The following EDEM3 variants were observed in gnomAD, a reference collection of about 807,000 sequenced individuals.
The protein encoded by EDEM3 is ER degradation enhancing alpha-mannosidase like protein 3, also known as ER degradation-enhancing alpha-mannosidase-like protein 3.
Under a neutral mutation model 110.2 loss-of-function variants are expected in EDEM3, and 60 were observed. The observed-to-expected ratio is 0.54, with a 90% CI of 0.44 to 0.67. The LOEUF (loss-of-function observed/expected upper bound fraction) is 0.67, where lower values mean the gene tolerates loss of function less well. Among genes scored for constraint, EDEM3 ranks in the 30% least tolerant of loss-of-function variants. The pLI is 0.00. For missense variants in EDEM3, 996 were observed against 1,121.0 expected, an observed-to-expected ratio of 0.89 and a Z score of 1.59; for synonymous variants, 352 against 382.9, an observed-to-expected ratio of 0.92 and a Z score of 0.94.
intron 2 of EDEM3, among the ~76,000 whole-genome samples, chr1:184,738,345 A>C (rs1000304035): frequency 6.6e-6 from 1 of 152,214 alleles, no homozygotes. Flanking sequence ...CACATCTAGT[A>C]AATGATCCAG....
chr1:184,740,668 C>A (rs958159405), intron 2 of EDEM3, among the ~76,000 whole-genome samples: 1 of 152,124 alleles, frequency 6.6e-6, no homozygotes, highest in Non-Finnish European at 1.5e-5. Context: ...ACATGAGAGT[C>A]TGGCAAAGAA....
chr1:184,711,262 C>A (rs1408388883), intron 15 of EDEM3, among the ~76,000 whole-genome samples: 1 of 152,024 alleles, frequency 6.6e-6, no homozygotes, highest in African/African-American at 2.4e-5. Context: ...CCATGCCTGG[C>A]TAATTTTTTG....
chr1:184,719,437 T>G lies in EDEM3; in HGVS notation c.1077+6A>C, dbSNP rs757074977. 1.2e-6 allele frequency: 2 copies of G among 1,609,040 alleles called. No homozygotes were observed. Among genetic ancestry groups the G allele is most frequent in the Non-Finnish European group, 1.7e-6 (2 of 1,178,604 alleles). ...ATTCATATTAAGAAGACAGAATTCT[T>G]TATACCTGCAAGCCTGGGAAGAAGG... is the stretch of plus-strand genomic sequence containing the variant. On this transcript the variant is annotated splice_donor_region_variant and intron_variant, in intron 10 of 19. Transcript: ENST00000318130.
rs958690854 is a variant in EDEM3, at chr1:184,711,777, C to T, written c.1637G>A (p.Arg546His). The T allele has an allele frequency of 1.1e-5, 18 of 1,613,184 alleles. No homozygotes were observed. Among genetic ancestry groups the T allele is most frequent in the East Asian group, 2.2e-5 (1 of 44,822 alleles). Residue 546 changes from arginine to histidine, a missense_variant, in exon 15 of 20, where the codon CGT (arginine) becomes CAT (histidine). Around this residue, in one of 5 missense-constraint regions of EDEM3, gnomAD observed 138 missense variants for 124.3 expected, o/e 1.11. Transcript: ENST00000318130. Reference protein sequence around the residue: ...PNDPLYAQSIREPLKNVVDKS... With the variant: ...PNDPLYAQSIHEPLKNVVDKS... ...ATCCACCACATTTTTCAAGGGCTCACGAATACTTTGAGCATACAATGGGTC... is the reference window on the plus strand; with the variant it reads ...ATCCACCACATTTTTCAAGGGCTCATGAATACTTTGAGCATACAATGGGTC...
chr1:184,736,109 T>A (rs1392791511), intron 4 of EDEM3, among the ~76,000 whole-genome samples: 1 of 152,156 alleles, frequency 6.6e-6, no homozygotes, highest in East Asian at 1.9e-4. Context: ...AACCATAACA[T>A]CTTTTTGAAC....
At chr1:184,722,695 AAT>A (rs1421249050) in intron 8 of EDEM3, among the ~76,000 whole-genome samples, 1 of 151,872 alleles carries the variant, frequency 6.6e-6, no homozygotes, top group East Asian at 1.9e-4. Context: ...TAATAATTTT[AAT>A]ATGTTTGAAT....
intron 18 of EDEM3, among the ~76,000 whole-genome samples, chr1:184,703,555 C>G (rs919892386): frequency 6.6e-6 from 1 of 152,226 alleles, no homozygotes; most frequent in African/African-American, 2.4e-5. Context: ...CTAAACTAAA[C>G]AGTATTGCTA....
intron 19 of EDEM3, among the ~76,000 whole-genome samples, chr1:184,695,674 C>T (rs578076729): frequency 6.6e-6 from 1 of 151,932 alleles, no homozygotes; most frequent in South Asian, 2.1e-4. Flanking sequence ...TGGTTGAATC[C>T]ATGGGTGCAG....
At position 184,694,143 on chromosome 1, in the gene EDEM3, C is replaced by A; in HGVS notation, c.2719G>T (p.Val907Phe). ...GCTAATATGGAGTCTATAGGCTGGACCTTTTTACCCCAGCTAACATTAGGA... is the reference window on the plus strand; with the variant it reads ...GCTAATATGGAGTCTATAGGCTGGAACTTTTTACCCCAGCTAACATTAGGA... ...SNPNVSWGKK[V>F]QPIDSILADW... Residue 907 changes from valine (V) to phenylalanine (F), a missense_variant, in exon 20 of 20, where the codon GTC becomes TTC. This residue lies in a region of EDEM3 where 345 missense variants were observed against 402.0 expected (regional missense o/e 0.86). Coordinates refer to ENST00000318130, the MANE Select transcript of EDEM3 (RefSeq NM_025191.4). The A allele has an allele frequency of 1.2e-6, 2 of 1,613,344 alleles. No individual in the cohort carries two copies. Among genetic ancestry groups the A allele is most frequent in the Non-Finnish European group, 1.7e-6 (2 of 1,179,588 alleles).
Position 184,693,932 on chromosome 1 carries a change from G to T in EDEM3, c.*131C>A. The stretch of plus-strand genomic sequence containing the variant: ...CCAGATTCCTACGATAACTACGCCA[G>T]TCAGAACGTGGTTGTTCATCACCAT... On this transcript the variant is annotated 3_prime_UTR_variant, in exon 20 of 20. Transcript: ENST00000318130. 1 of 898,766 alleles carries T rather than the reference G, an allele frequency of 1.1e-6. No individual in the cohort carries two copies. Among genetic ancestry groups the T allele is most frequent in the Non-Finnish European group, 1.7e-6 (1 of 600,348 alleles). The allele number at this position is 898,766 out of a possible 1,614,324, so 55.7% of individuals were successfully genotyped here.
chr1:184,707,595 T>C (rs1006273475), intron 17 of EDEM3, among the ~76,000 whole-genome samples: 6 of 152,364 alleles, frequency 3.9e-5, no homozygotes, highest in African/African-American at 9.6e-5. Context: ...GTCACGATAC[T>C]TGGGCTCTGG....
At chr1:184,702,670 T>C in intron 19 of EDEM3, 141 bp downstream of exon 19, 1 of 546,342 alleles carries the variant, frequency 1.8e-6, no homozygotes, top group Non-Finnish European at 2.9e-6. Context: ...AAGAAAAATA[T>C]ATTTTGAAAT....
intron 17 of EDEM3, 152 bp from the exon 18 acceptor site, chr1:184,706,960 T>TA (rs1182004035): frequency 4.7e-6 from 4 of 850,772 alleles, no homozygotes. Context: ...AATATTGTTT[T>TA]AAACATTTTG....
At position 184,706,773 on chromosome 1, in the gene EDEM3, A is replaced by G; in HGVS notation, c.2073T>C (p.Asn691=). Residue 691 remains asparagine, a synonymous_variant, in exon 18 of 20, where the codon AAT becomes AAC. Transcript: ENST00000318130. ...CTGGGTTAGTAAGCTCTGAACAACC[A>G]TTGGATGGTTTACTGCTTGCAACAA... ...RGFVASSKPS[N]GCSELTNPEA... 6.2e-7 allele frequency: 1 copy of G among 1,613,902 alleles called. No individual in the cohort carries two copies. The highest frequency in any genetic ancestry group is 8.5e-7 in the Non-Finnish European group (1 of 1,179,850).
intron 11 of EDEM3, 36 bp downstream of exon 11, chr1:184,719,122 TTGTG>T (rs1390967200): frequency 2.8e-5 from 32 of 1,145,828 alleles, no homozygotes; most frequent in East Asian, 1.2e-4. Context: ...GTGTGTGTGT[TTGTG>T]TGTGTGTAAG....
rs546448083 is a variant in EDEM3, at chr1:184,713,941, A to G, written c.1371-1343T>C. ...CAGCTATCATTTTTCCTACATACAC[A>G]TGATTTTTTATTTTGGAACAAAAAC... is the stretch of plus-strand genomic sequence containing the variant. On this transcript the variant is annotated intron_variant, in intron 13 of 19. Transcript: ENST00000318130. Among the ~76,000 whole-genome samples, 315 of 152,364 alleles carry G rather than the reference A, an allele frequency of 2.1e-3. 1 individual carries two copies. The highest frequency in any genetic ancestry group is 7.1e-3 in the African/African-American group (297 of 41,586).
intron 1 of EDEM3, among the ~76,000 whole-genome samples, 169 bp downstream of exon 1, chr1:184,754,320 G>C (rs1652963578): frequency 6.6e-6 from 1 of 152,188 alleles, no homozygotes; most frequent in African/African-American, 2.4e-5. Context: ...GGTCGCGGGC[G>C]GCGGTTCCCA....
At chr1:184,701,019 C>T (rs1197333119) in intron 19 of EDEM3, among the ~76,000 whole-genome samples, 1 of 151,884 alleles carries the variant, frequency 6.6e-6, no homozygotes, top group Non-Finnish European at 1.5e-5. Flanking sequence ...CCTTTTAATG[C>T]AAGGTCCTTA....
At chr1:184,720,645 T>C (rs1404297526) in intron 9 of EDEM3, 2 of 152,160 alleles carry the variant, frequency 1.3e-5, no homozygotes, top group African/African-American at 4.8e-5. Context: ...CACCATGTCA[T>C]ACTGTCTCAT....
Sources: gnomAD v4.1 joint callset for allele counts (sites outside exome capture counted in the v4.1 genomes callset) on GRCh38, gnomAD v4.1.1 for gene constraint, gnomAD v4.1.1 regional missense constraint, MANE v1.5 for transcripts, NCBI Gene and HGNC (gene_info 2026-07-23, HGNC 2026-07-21) for gene names.